The following ACSS1 variants were observed in gnomAD, a reference collection of about 807,000 sequenced individuals.
ACSS1 encodes acyl-CoA synthetase short chain family member 1.
In ACSS1, 42 loss-of-function variants were observed where a neutral mutation model predicts 75.3. That is an observed-to-expected ratio of 0.56 (90% CI 0.44 to 0.72). The LOEUF is 0.72. Ranked by LOEUF, ACSS1 falls within the 30% of genes least tolerant of loss-of-function variation. The pLI is 0.00. For synonymous variants in ACSS1, 380 were observed against 376.8 expected (o/e 1.01, Z -0.10); for missense variants, 782 against 935.7 (o/e 0.84, Z 2.14).
chr20:25,032,236 A>G, intron 2 of ACSS1: 2 of 812,294 alleles, frequency 2.5e-6, no homozygotes, highest in Non-Finnish European at 3.3e-6. Context: ...AGGTTCACCC[A>G]CCACTCAGGG....
intron 3 of ACSS1, among the ~76,000 whole-genome samples, chr20:25,025,528 C>T (rs1338342515): frequency 3.9e-5 from 6 of 152,172 alleles, no homozygotes; most frequent in African/African-American, 9.7e-5. Flanking sequence ...AGAGTTCTGT[C>T]GTCTGGACAG....
chr20:25,032,658 C>G (rs2088847042), intron 2 of ACSS1: 1 of 1,216,806 alleles, frequency 8.2e-7, no homozygotes, highest in Non-Finnish European at 1.0e-6. Flanking sequence ...CCGCTCGCAG[C>G]GTGTTTGCAT....
chr20:25,030,904 G>T lies in ACSS1; in HGVS notation c.486C>A (p.Val162=), dbSNP rs977622765. The part of the protein sequence containing the change: ...RLANTLKRHG[V]HRGDRVAIYM... ...AGATGGCAACACGGTCCCCACGGTG[G>T]ACTCCATGCCTCTTCAGCGTGTTGG... is the stretch of plus-strand genomic sequence containing the variant. The change falls in exon 3 of 14, where the codon GTC becomes GTA. Residue 162 remains valine, a synonymous_variant. Coordinates refer to ENST00000323482, the MANE Select transcript of ACSS1 (RefSeq NM_032501.4). 1 of 1,614,224 alleles carries T rather than the reference G, an allele frequency of 6.2e-7. No homozygotes were observed. The highest frequency in any genetic ancestry group is 1.1e-5 in the South Asian group (1 of 91,086).
intron 1 of ACSS1, among the ~76,000 whole-genome samples, chr20:25,048,579 A>G (rs2089132381): frequency 6.6e-6 from 1 of 152,204 alleles, no homozygotes; most frequent in Non-Finnish European, 1.5e-5. Context: ...AAGAACACTC[A>G]GTGCAAACAG....
At position 25,007,941 on chromosome 20, in the gene ACSS1, C is replaced by G; in HGVS notation, c.1891G>C (p.Val631Leu). 6.2e-7 allele frequency: 1 copy of G among 1,613,870 alleles called. No homozygotes were observed. The highest frequency in any genetic ancestry group is 8.5e-7 in the Non-Finnish European group (1 of 1,179,862). Residue 631 changes from valine to leucine, a missense_variant and splice_region_variant, in exon 14 of 14, where the codon GTG becomes CTG. Around this residue, in one of 2 missense-constraint regions of ACSS1, gnomAD observed 405 missense variants for 552.6 expected, o/e 0.73. Transcript: ENST00000323482. ...CTGGTTTTTGGAAGACGTTTCACCACCTGGCAAGGAACAGGCACAGTGTTA... is the reference window on the plus strand; with the variant it reads ...CTGGTTTTTGGAAGACGTTTCACCAGCTGGCAAGGAACAGGCACAGTGTTA... ...AKYAVPDEIL[V>L]VKRLPKTRSG... is the part of the protein sequence containing the mutation.
chr20:25,047,339 TGCTCCTCTTG>T (rs2089110142), intron 2 of ACSS1, among the ~76,000 whole-genome samples: 1 of 152,180 alleles, frequency 6.6e-6, no homozygotes. Context: ...TTCTCAGGGC[TGCTCCTCTTG>T]GCCCACAGGA....
At chr20:25,019,535 T>C (rs1269412072) in intron 7 of ACSS1, among the ~76,000 whole-genome samples, 1 of 152,196 alleles carries the variant, frequency 6.6e-6, no homozygotes. Context: ...TACTATTATT[T>C]AGACGACTGA....
rs2088365026 is a variant in ACSS1 at position 25,009,252 on chromosome 20, T to C, written c.1890+18A>G. The C allele has an allele frequency of 2.5e-6, 4 of 1,575,386 alleles. No individual in the cohort carries two copies. Among genetic ancestry groups the C allele is most frequent in the Non-Finnish European group, 3.5e-6 (4 of 1,144,778 alleles). ...AAGAACAGCAGCACAGCCCCATCTT[T>C]GTGGGAGGCCCACTCACCAGGATCT... On this transcript the variant is annotated intron_variant, in intron 13 of 13. Coordinates refer to ENST00000323482, the MANE Select transcript of ACSS1 (RefSeq NM_032501.4).
At chr20:25,036,791 A>C (rs1349356054) in intron 2 of ACSS1, among the ~76,000 whole-genome samples, 1 of 151,950 alleles carries the variant, frequency 6.6e-6, no homozygotes. Flanking sequence ...CCCTGTGTCT[A>C]CTAAAAATAC....
intron 2 of ACSS1, among the ~76,000 whole-genome samples, chr20:25,041,053 T>G (rs1298058770): frequency 1.3e-5 from 2 of 152,050 alleles, no homozygotes; most frequent in African/African-American, 2.4e-5. Flanking sequence ...AGTCAGGAGA[T>G]TGAGACCATC....
Position 25,014,298 on chromosome 20 carries a change from A to T in ACSS1, c.1340-225T>A, listed in dbSNP as rs540879771. 2.6e-5 allele frequency among the ~76,000 whole-genome samples: 4 copies of T among 152,360 alleles called. No individual in the cohort carries two copies. In the South Asian group the frequency reaches 8.3e-4, roughly 32 times the overall value. On this transcript the variant is annotated intron_variant, in intron 8 of 13. Transcript: ENST00000323482. ...CCAGGAGCTCTGGCATCCCACAGCCAGGTGCAGGCCCCCTCGCCATGTCAG... is the reference window on the plus strand; with the variant it reads ...CCAGGAGCTCTGGCATCCCACAGCCTGGTGCAGGCCCCCTCGCCATGTCAG...
chr20:25,015,672 G>A (rs576270398), intron 7 of ACSS1, among the ~76,000 whole-genome samples: 1 of 152,306 alleles, frequency 6.6e-6, no homozygotes, highest in African/African-American at 2.4e-5. Context: ...ACCTGAAAAT[G>A]CAGTGAGACA....
At chr20:25,034,286 C>G (rs371528392) in intron 2 of ACSS1, among the ~76,000 whole-genome samples, 1 of 152,184 alleles carries the variant, frequency 6.6e-6, no homozygotes, top group Admixed American at 6.5e-5. Flanking sequence ...AAAATTGGAC[C>G]AAGATTTGCA....
intron 8 of ACSS1, among the ~76,000 whole-genome samples, chr20:25,014,477 C>A (rs1371744737): frequency 1.3e-5 from 2 of 152,212 alleles, no homozygotes; most frequent in Non-Finnish European, 2.9e-5. Context: ...CCAGCCTGTA[C>A]CAGGGAAATG....
chr20:25,040,484 G>C (rs553328950), intron 2 of ACSS1, among the ~76,000 whole-genome samples: 1 of 152,212 alleles, frequency 6.6e-6, no homozygotes, highest in Admixed American at 6.5e-5. Context: ...CGGGCCCAGC[G>C]ACTTTCCTTG....
At chr20:25,032,432 C>T (rs1568841200) in intron 2 of ACSS1, 17 of 1,389,174 alleles carry the variant, frequency 1.2e-5, no homozygotes, top group Non-Finnish European at 1.5e-5. Context: ...CTTTCGGCGC[C>T]TCATCCCTCT....
At position 25,007,088 on chromosome 20, in the gene ACSS1, A is replaced by G; in HGVS notation, c.*674T>C. 7.0e-7 allele frequency: 1 copy of G among 1,418,718 alleles called. No individual in the cohort carries two copies. 87.9% of individuals were successfully genotyped at this position (1,418,718 alleles called of 1,614,324 possible). Reference sequence around the variant, plus strand: ...ATACACAACCAAGCACAGGAGAAACACTCACCAGGAAAAGATGCCGGAGGC... The same window carrying G: ...ATACACAACCAAGCACAGGAGAAACGCTCACCAGGAAAAGATGCCGGAGGC... On this transcript the variant is annotated 3_prime_UTR_variant, in exon 14 of 14. Coordinates refer to ENST00000323482, the MANE Select transcript of ACSS1 (RefSeq NM_032501.4).
intron 1 of ACSS1, among the ~76,000 whole-genome samples, chr20:25,057,482 G>C (rs2089259008): frequency 6.6e-6 from 1 of 152,200 alleles, no homozygotes. Context: ...TCCGCCGAGC[G>C]AGGAGCCGCG....
chr20:25,051,690 T>C (rs957973570), intron 1 of ACSS1, among the ~76,000 whole-genome samples: 1 of 152,216 alleles, frequency 6.6e-6, no homozygotes, highest in Admixed American at 6.5e-5. Context: ...GTTTTCTTTT[T>C]CCTTTGGGAC....
Sources: gnomAD v4.1 joint callset for allele counts (sites outside exome capture counted in the v4.1 genomes callset) on GRCh38, gnomAD v4.1.1 for gene constraint, gnomAD v4.1.1 regional missense constraint, MANE v1.5 for transcripts, NCBI Gene and HGNC (gene_info 2026-07-23, HGNC 2026-07-21) for gene names.